IL1RAPL2: variants seen among roughly 807,000 people sequenced by gnomAD.
IL1RAPL2 encodes the protein interleukin 1 receptor accessory protein like 2.
Under a neutral mutation model 44.1 loss-of-function variants are expected in IL1RAPL2, and 3 were observed. The observed-to-expected ratio is 0.07, with a 90% CI of 0.03 to 0.18. The LOEUF (loss-of-function observed/expected upper bound fraction) is 0.18. IL1RAPL2 is among the 10% of genes least tolerant of loss of function. The probability of loss-of-function intolerance (pLI) is 1.00; values close to 1 mark genes in which losing one functional copy is unlikely to be tolerated. For missense variants in IL1RAPL2, 391 were observed against 496.4 expected, an observed-to-expected ratio of 0.79 and a Z score of 2.02; for synonymous variants, 181 against 178.8, an observed-to-expected ratio of 1.01 and a Z score of -0.10.
intron 6 of IL1RAPL2, among the ~76,000 whole-genome samples, chrX:105,562,734 T>C (rs773168839): frequency 9.0e-6 from 1 of 111,485 alleles, no homozygotes; most frequent in East Asian, 2.9e-4. Context: ...AGAGGATCAA[T>C]AGACAGTAGG....
chrX:105,484,129 A>G (rs929303944), intron 5 of IL1RAPL2, among the ~76,000 whole-genome samples, 184 bp from the exon 6 acceptor site: 1 of 111,797 alleles, frequency 8.9e-6, no homozygotes, highest in African/African-American at 3.3e-5. Context: ...TGGTGCTCTA[A>G]ATGTGCTGGG....
chrX:105,258,047 G>A (rs2034329277), intron 4 of IL1RAPL2, among the ~76,000 whole-genome samples: 1 of 111,649 alleles, frequency 9.0e-6, no homozygotes, highest in Non-Finnish European at 1.9e-5. Flanking sequence ...GTTTAAGTGT[G>A]TTTTTGTATT....
chrX:104,804,005 A>G (rs1317246966), intron 2 of IL1RAPL2: 3 of 112,994 alleles, frequency 2.7e-5, no homozygotes, highest in African/African-American at 9.7e-5. Flanking sequence ...CCACATGCAA[A>G]TCTTTGCACT....
intron 2 of IL1RAPL2, among the ~76,000 whole-genome samples, chrX:104,977,704 G>A (rs2157109): frequency 0.02 from 2,283 of 112,106 alleles, 73 homozygotes; most frequent in East Asian, 0.17. Flanking sequence ...GGTGGTGTTA[G>A]ACAACAACTT....
chrX:105,684,913 G>C (rs2037957274), intron 6 of IL1RAPL2, among the ~76,000 whole-genome samples: 1 of 111,779 alleles, frequency 8.9e-6, no homozygotes, highest in South Asian at 3.7e-4. Context: ...AGGCAAACAG[G>C]GTCTGGAGTG....
chrX:105,513,759 A>G (rs1228468791), intron 6 of IL1RAPL2, among the ~76,000 whole-genome samples: 2 of 111,228 alleles, frequency 1.8e-5, no homozygotes, highest in Admixed American at 9.6e-5. Context: ...GCTGTGCAGA[A>G]GCTTTTTAGT....
At chrX:105,267,711 T>C (rs2034414143) in intron 5 of IL1RAPL2, among the ~76,000 whole-genome samples, 170 bp downstream of exon 5, 1 of 111,683 alleles carries the variant, frequency 9.0e-6, no homozygotes. Context: ...AAGCAATATA[T>C]GGAATATGAA....
At chrX:105,385,794 G>A (rs1407528868) in intron 5 of IL1RAPL2, among the ~76,000 whole-genome samples, 1 of 110,876 alleles carries the variant, frequency 9.0e-6, no homozygotes, top group Non-Finnish European at 1.9e-5. Context: ...TTAAGTAAGT[G>A]AAATATGGGA....
At chrX:105,446,009 T>A (rs990441607) in intron 5 of IL1RAPL2, among the ~76,000 whole-genome samples, 31 of 111,546 alleles carry the variant, frequency 2.8e-4, no homozygotes, top group African/African-American at 9.4e-4. Context: ...CTGCTATTAT[T>A]ATATTAGGAT....
intron 6 of IL1RAPL2, among the ~76,000 whole-genome samples, chrX:105,528,636 C>T (rs1051784023): frequency 1.3e-4 from 14 of 111,308 alleles, no homozygotes; most frequent in Admixed American, 1.1e-3. Context: ...TCTACATACA[C>T]GGGTATGTCT....
chrX:104,717,655 C>G (rs1489732914), intron 2 of IL1RAPL2, among the ~76,000 whole-genome samples: 1 of 108,892 alleles, frequency 9.2e-6, no homozygotes, highest in Non-Finnish European at 1.9e-5. Context: ...TACATGTGTA[C>G]AACGTGCAGG....
At chrX:104,743,320 A>T (rs867501515) in intron 2 of IL1RAPL2, among the ~76,000 whole-genome samples, 6 of 100,269 alleles carry the variant, frequency 6.0e-5, no homozygotes, top group Admixed American at 1.1e-4. Context: ...GTTTCAAACT[A>T]TTTTTTTTTT....
Position 105,115,560 on chromosome X carries a change from A to T in IL1RAPL2, c.83-79915A>T, listed in dbSNP as rs1165897324. Among the ~76,000 whole-genome samples the T allele has an allele frequency of 9.8e-5, 11 of 112,181 alleles. No homozygotes were observed. The East Asian group carries it at 3.1e-3, about 32-fold the overall frequency. ...TTTACAAACCCTGAGCTAGACACAG[A>T]GTGCTGATTGGTGTATTTAAAAAAC... is the stretch of plus-strand genomic sequence containing the variant. On this transcript the variant is annotated intron_variant, in intron 2 of 10. Coordinates refer to ENST00000372582, the MANE Select transcript of IL1RAPL2 (RefSeq NM_017416.2).
At chrX:105,153,187 G>A (rs1456070676) in intron 2 of IL1RAPL2, among the ~76,000 whole-genome samples, 1 of 112,190 alleles carries the variant, frequency 8.9e-6, no homozygotes, top group Non-Finnish European at 1.9e-5. Flanking sequence ...TTGGGAAAAT[G>A]AGCAGGTCTC....
chrX:104,617,767 G>A (rs1463033542), intron 1 of IL1RAPL2, among the ~76,000 whole-genome samples: 1 of 111,156 alleles, frequency 9.0e-6, no homozygotes, highest in Non-Finnish European at 1.9e-5. Flanking sequence ...AAGTGTCTTC[G>A]TGTTGATTTT....
At chrX:104,759,767 G>A (rs1932396662) in intron 2 of IL1RAPL2, among the ~76,000 whole-genome samples, 1 of 111,094 alleles carries the variant, frequency 9.0e-6, no homozygotes, top group South Asian at 3.8e-4. Context: ...TGGAAAATGG[G>A]GTATCCATCC....
chrX:105,205,628 G>A (rs1176335512), intron 3 of IL1RAPL2, among the ~76,000 whole-genome samples: 6 of 43,347 alleles, frequency 1.4e-4, no homozygotes, highest in Non-Finnish European at 2.4e-4. Flanking sequence ...AAAAAAAAGT[G>A]CTAAAGAAGG....
intron 2 of IL1RAPL2, among the ~76,000 whole-genome samples, chrX:104,942,310 T>C (rs1324832679): frequency 1.8e-5 from 2 of 112,383 alleles, no homozygotes; most frequent in Non-Finnish European, 3.8e-5. Flanking sequence ...ATTTTCACAA[T>C]ATTGATTCTT....
chrX:104,991,181 CT>C (rs1446172659), intron 2 of IL1RAPL2, among the ~76,000 whole-genome samples: 1 of 111,573 alleles, frequency 9.0e-6, no homozygotes. Flanking sequence ...AGACACACTA[CT>C]TTTGGCCCTA....
Sources: allele counts gnomAD v4.1 joint callset (sites outside exome capture counted in the v4.1 genomes callset), GRCh38; gene constraint gnomAD v4.1.1; transcripts MANE v1.5; gene names NCBI Gene and HGNC (gene_info 2026-07-23, HGNC 2026-07-21).